The following HIBCH variants were observed in gnomAD, a reference collection of about 807,000 sequenced individuals.
HIBCH encodes the protein 3-hydroxyisobutyryl-CoA hydrolase.
HIBCH carries 50 observed loss-of-function variants against 58.2 expected under a neutral mutation model. The observed-to-expected ratio is 0.86, with a 90% CI of 0.68 to 1.09. HIBCH has a LOEUF of 1.09. Ranked by LOEUF, HIBCH falls within the 50% of genes least tolerant of loss-of-function variation. The pLI, the probability that HIBCH is intolerant of heterozygous loss-of-function variation, is 0.00. For synonymous variants in HIBCH, 151 were observed against 146.9 expected (o/e 1.03, Z -0.20); for missense variants, 450 against 449.7 (o/e 1.00, Z -0.01).
At chr2:190,255,852 T>A (rs931621907) in intron 7 of HIBCH, among the ~76,000 whole-genome samples, 1 of 151,446 alleles carries the variant, frequency 6.6e-6, no homozygotes, top group African/African-American at 2.4e-5. Flanking sequence ...AGAGAGAGTG[T>A]GTGTGTGTGT....
chr2:190,294,027 T>C (rs911314796), intron 4 of HIBCH, among the ~76,000 whole-genome samples: 1 of 30,340 alleles, frequency 3.3e-5, no homozygotes, highest in South Asian at 1.3e-3. Flanking sequence ...TGTGTGTATA[T>C]ATATATATAT....
intron 6 of HIBCH, among the ~76,000 whole-genome samples, chr2:190,282,048 T>C (rs1323587369): frequency 6.6e-6 from 1 of 152,222 alleles, no homozygotes; most frequent in Non-Finnish European, 1.5e-5. Flanking sequence ...TTCCCCAGCC[T>C]TGTCTTCTTC....
intron 6 of HIBCH, among the ~76,000 whole-genome samples, chr2:190,282,710 T>TG (rs1687733652): frequency 6.6e-6 from 1 of 151,042 alleles, no homozygotes; most frequent in Non-Finnish European, 1.5e-5. Flanking sequence ...ACCCCACTAC[T>TG]AAAAAAAAAG....
intron 1 of HIBCH, among the ~76,000 whole-genome samples, chr2:190,196,117 T>C (rs1162883518): frequency 6.6e-6 from 1 of 152,096 alleles, no homozygotes; most frequent in East Asian, 1.9e-4. Flanking sequence ...CTTTTTCATA[T>C]GTTGGTTTTC....
intron 7 of HIBCH, among the ~76,000 whole-genome samples, chr2:190,259,383 T>C (rs938826825): frequency 4.4e-5 from 5 of 113,476 alleles, no homozygotes; most frequent in African/African-American, 5.9e-5. Context: ...CTGACTGACA[T>C]GGTCTGGCTC....
At chr2:190,245,000 G>C (rs747881400) in intron 10 of HIBCH, 32 bp from the exon 11 acceptor site, 7 of 1,295,536 alleles carry the variant, frequency 5.4e-6, no homozygotes, top group Non-Finnish European at 7.9e-6. Context: ...TTTCACCAAT[G>C]TGTAAGTGAT....
chr2:190,257,007 G>A (rs566616268), intron 7 of HIBCH, among the ~76,000 whole-genome samples: 3 of 152,246 alleles, frequency 2.0e-5, no homozygotes, highest in East Asian at 1.9e-4. Flanking sequence ...TCCTGAAAAC[G>A]GAATGGGTGG....
rs1685544151 is a variant in HIBCH at position 190,216,545 on chromosome 2, G to C, written c.892-3470C>G. 2.0e-5 allele frequency among the ~76,000 whole-genome samples: 3 copies of C among 152,098 alleles called. No individual in the cohort carries two copies. The highest frequency in any genetic ancestry group is 7.2e-5 in the African/African-American group (3 of 41,410). On this transcript the variant is annotated intron_variant, in intron 11 of 13. Coordinates refer to ENST00000359678, the MANE Select transcript of HIBCH (RefSeq NM_014362.4). The surrounding 1 kb of genome is among the most constrained non-coding windows in gnomAD (Gnocchi z 4.2). ...GAAGGAGGGCTGCAGGGCTGTGTGG[G>C]GACTGTGGCTAACTGAAGAGGGCAC...
intron 6 of HIBCH, among the ~76,000 whole-genome samples, chr2:190,272,910 G>T (rs1342424995): frequency 6.6e-6 from 1 of 152,058 alleles, no homozygotes; most frequent in Admixed American, 6.6e-5. Context: ...AGACAGACAA[G>T]TAGTAAAATA....
At position 190,253,347 on chromosome 2, in the gene HIBCH, G is replaced by C. The variant is rs146480959; in HGVS notation, c.518-1040C>G. Among the ~76,000 whole-genome samples the C allele has an allele frequency of 6.9e-4, 105 of 152,192 alleles. 1 individual carries two copies. The East Asian group carries it at 0.02, about 29-fold the overall frequency. On this transcript the variant is annotated intron_variant, in intron 7 of 13. Transcript: ENST00000359678. ...CCTTTAATTATGTTGGGATAAAAAT[G>C]CAAGCACTAAAATTCTCTCCAGTTC...
chr2:190,312,122 G>A (rs546132407), intron 1 of HIBCH, among the ~76,000 whole-genome samples: 5 of 152,142 alleles, frequency 3.3e-5, no homozygotes, highest in Non-Finnish European at 5.9e-5. Context: ...CACCGGGAAC[G>A]GCAGTGATTG....
intron 1 of HIBCH, among the ~76,000 whole-genome samples, chr2:190,195,941 C>CTTTTTTTTTTTTTTTTTTTTTTT (rs35679833): frequency 1.2e-5 from 1 of 86,210 alleles, no homozygotes; most frequent in African/African-American, 4.1e-5. Context: ...CTGTGTCCAG[C>CTTTTTTTTTTTTTTTTTTTTTTT]TTTTTTTTTT....
chr2:190,283,077 T>A (rs1193043405), intron 6 of HIBCH, among the ~76,000 whole-genome samples: 1 of 152,200 alleles, frequency 6.6e-6, no homozygotes, highest in African/African-American at 2.4e-5. Context: ...TTGAGTATCA[T>A]GTTGGTGCTC....
chr2:190,277,238 T>C (rs549875504), intron 6 of HIBCH, among the ~76,000 whole-genome samples: 25 of 152,358 alleles, frequency 1.6e-4, no homozygotes, highest in African/African-American at 5.8e-4. Context: ...CATTCATTTT[T>C]ATTTTACTGT....
chr2:190,287,728 AT>A lies in HIBCH; in HGVS notation c.386-91del. 3.3e-6 allele frequency: 3 copies of A among 896,440 alleles called. No homozygotes were observed. In the South Asian group the frequency reaches 4.5e-5, roughly 14 times the overall value. 55.5% of individuals were successfully genotyped at this position (896,440 alleles called of 1,614,324 possible). ...AAAACCCACATTATATATACTCAAGATTTTCCCTAGGAAATTTTAGCAAGAA... is the reference window on the plus strand; with the variant it reads ...AAAACCCACATTATATATACTCAAGATTTCCCTAGGAAATTTTAGCAAGAA... On this transcript the variant is annotated intron_variant, in intron 5 of 13. Coordinates refer to ENST00000359678, the MANE Select transcript of HIBCH (RefSeq NM_014362.4).
At chr2:190,230,142 G>A (rs1342333915) in intron 11 of HIBCH, among the ~76,000 whole-genome samples, 1 of 152,138 alleles carries the variant, frequency 6.6e-6, no homozygotes, top group South Asian at 2.1e-4. Context: ...AGCTGTCTGT[G>A]CTGTCTGTGC....
intron 11 of HIBCH, among the ~76,000 whole-genome samples, chr2:190,234,484 G>T (rs928792603): frequency 6.6e-6 from 1 of 152,164 alleles, no homozygotes. Context: ...ACAAACTACT[G>T]TCATGTAAGT....
Position 190,212,980 on chromosome 2 carries a change from C to T in HIBCH, c.987G>A (p.Glu329=), listed in dbSNP as rs941485602. 3 of 1,611,746 alleles carry T rather than the reference C, an allele frequency of 1.9e-6. No homozygotes were observed. Among genetic ancestry groups the T allele is most frequent in the Non-Finnish European group, 2.5e-6 (3 of 1,178,662 alleles). Residue 329 remains glutamate, a synonymous_variant, in exon 12 of 14, where the codon GAG becomes GAA. Coordinates refer to ENST00000359678, the MANE Select transcript of HIBCH (RefSeq NM_014362.4). ...SKTLQEVLTM[E]YRLSQACMRG... ...CCATACAAGCTTGACTTAGCCGATACTCCATAGTTAGTACTTCTTGCAAGG... is the reference window on the plus strand; with the variant it reads ...CCATACAAGCTTGACTTAGCCGATATTCCATAGTTAGTACTTCTTGCAAGG...
chr2:190,267,305 A>T (rs1687269667), intron 6 of HIBCH, among the ~76,000 whole-genome samples: 1 of 152,218 alleles, frequency 6.6e-6, no homozygotes, highest in Middle Eastern at 3.4e-3. Context: ...CCTGGGTTCA[A>T]GCAATTCTCC....
Sources: allele counts gnomAD v4.1 joint callset (sites outside exome capture counted in the v4.1 genomes callset), GRCh38; gene constraint gnomAD v4.1.1; non-coding constraint Gnocchi (gnomAD v3.1); transcripts MANE v1.5; gene names NCBI Gene and HGNC (gene_info 2026-07-23, HGNC 2026-07-21).